Variants in OPRM1 observed in about 807,000 individuals in gnomAD.
OPRM1 encodes mu-type opioid receptor.
In OPRM1, 27 loss-of-function variants were observed where a neutral mutation model predicts 31.8. That is an observed-to-expected ratio of 0.85 (90% CI 0.63 to 1.17). OPRM1 has a LOEUF of 1.17. Ranked by LOEUF, OPRM1 falls within the 50% of genes most tolerant of loss-of-function variation. OPRM1 has a pLI of 0.00. For synonymous variants in OPRM1, 196 were observed against 189.9 expected, an observed-to-expected ratio of 1.03 and a Z score of -0.26; for missense variants, 536 against 511.1, an observed-to-expected ratio of 1.05 and a Z score of -0.47.
intron 1 of OPRM1, among the ~76,000 whole-genome samples, chr6:154,016,301 CATT>C (rs1778000171): frequency 6.6e-6 from 1 of 152,072 alleles, no homozygotes; most frequent in South Asian, 2.1e-4. Flanking sequence ...CTCTGCATAT[CATT>C]ATGTACTATC....
At chr6:154,110,228 T>C (rs1796191837) in intron 3 of OPRM1, 1 of 556,056 alleles carries the variant, frequency 1.8e-6, no homozygotes, top group Non-Finnish European at 3.2e-6. Context: ...CTTTGTTTTC[T>C]GGTGATATTA....
intron 1 of OPRM1, among the ~76,000 whole-genome samples, chr6:154,041,082 T>G (rs1380333432): frequency 1.3e-5 from 2 of 152,190 alleles, no homozygotes; most frequent in African/African-American, 4.8e-5. Flanking sequence ...GCGGAGCTCT[T>G]AAATCATTTA....
chr6:154,039,403 T>C lies in OPRM1; in HGVS notation c.-142T>C, dbSNP rs370344800. On this transcript the variant is annotated 5_prime_UTR_variant, in exon 1 of 4. Transcript: ENST00000330432. The stretch of plus-strand genomic sequence containing the variant: ...GTCCCCTCCGCCTGACGCTCCTCTC[T>C]GTCTCAGCCAGGACTGGTTTCTGTA... The C allele has an allele frequency of 1.8e-5, 28 of 1,548,282 alleles. No individual in the cohort carries two copies. The highest frequency in any genetic ancestry group is 2.4e-5 in the Non-Finnish European group (28 of 1,144,718).
At chr6:154,055,885 T>A (rs1478081554) in intron 1 of OPRM1, among the ~76,000 whole-genome samples, 1 of 152,194 alleles carries the variant, frequency 6.6e-6, no homozygotes, top group Non-Finnish European at 1.5e-5. Flanking sequence ...TCAAGCAGGA[T>A]CTAAGTCTAA....
chr6:154,052,072 C>G (rs1163643669), intron 1 of OPRM1, among the ~76,000 whole-genome samples: 1 of 152,118 alleles, frequency 6.6e-6, no homozygotes, highest in Admixed American at 6.5e-5. Flanking sequence ...CAAGCTGACA[C>G]AGGAACAGAA....
intron 3 of OPRM1, among the ~76,000 whole-genome samples, chr6:154,231,667 A>T (rs961175914): frequency 6.6e-6 from 1 of 152,228 alleles, no homozygotes; most frequent in Non-Finnish European, 1.5e-5. Flanking sequence ...ATTTGACTCA[A>T]TATACACACT....
intron 3 of OPRM1, among the ~76,000 whole-genome samples, chr6:154,195,608 T>C (rs1187118839): frequency 2.6e-5 from 4 of 152,108 alleles, no homozygotes; most frequent in African/African-American, 7.2e-5. Flanking sequence ...TGTACATATC[T>C]TGCCACTTAG....
chr6:154,154,018 C>A (rs1528046), intron 3 of OPRM1, among the ~76,000 whole-genome samples: 10,094 of 152,250 alleles, frequency 0.066, 973 homozygotes, highest in African/African-American at 0.21. Flanking sequence ...AATAATTTTT[C>A]CTGCTTCCAT....
At chr6:154,211,943 A>G (rs1777995745) in intron 3 of OPRM1, among the ~76,000 whole-genome samples, 1 of 152,212 alleles carries the variant, frequency 6.6e-6, no homozygotes, top group Admixed American at 6.5e-5. Flanking sequence ...CACAAAAGAG[A>G]AAGTTCTAAT....
chr6:154,141,983 G>C lies in OPRM1; in HGVS notation c.1164+50511G>C, dbSNP rs541472017. Among the ~76,000 whole-genome samples the C allele has an allele frequency of 2.6e-4, 40 of 152,282 alleles. No homozygotes were observed. The South Asian group carries it at 7.7e-3, about 29-fold the overall frequency. On this transcript the variant is annotated intron_variant, in intron 3 of 3. Transcript: ENST00000337049. The stretch of plus-strand genomic sequence containing the variant: ...CTCATGACCAAGTTTTACACAAGTG[G>C]TTGCTAGTAGATCTGTGGTACTGGT...
At position 154,121,212 on chromosome 6, in the gene OPRM1, G is replaced by A. The variant is rs17174998; in HGVS notation, c.*2491G>A. ...TCCCAGAAATGCAGACTGTAGCTAT[G>A]GGGCGGAAGCTTTGTTTCTTTACCT... On this transcript the variant is annotated 3_prime_UTR_variant, in exon 4 of 4. Transcript: ENST00000330432. Among the ~76,000 whole-genome samples, 403 of 152,266 alleles carry A rather than the reference G, an allele frequency of 2.6e-3. 2 individuals carry two copies. Among genetic ancestry groups the A allele is most frequent in the African/African-American group, 9.3e-3 (385 of 41,554 alleles).
chr6:154,040,740 T>C (rs886458348), intron 1 of OPRM1, among the ~76,000 whole-genome samples: 1 of 152,206 alleles, frequency 6.6e-6, no homozygotes, highest in African/African-American at 2.4e-5. Context: ...AAAGTGTTCT[T>C]ATCAAGTAAA....
rs547560696 is a variant in OPRM1 at position 154,148,739 on chromosome 6, T to A, written c.1164+57267T>A. ...TCCACACAACATGGATGGCAAGATA[T>A]GTTACATGAAGCTCTGCCCCGTGGA... On this transcript the variant is annotated intron_variant, in intron 3 of 3. Coordinates refer to the OPRM1 transcript ENST00000337049. Among the ~76,000 whole-genome samples, 144 of 152,320 alleles carry A rather than the reference T, an allele frequency of 9.5e-4. 1 individual carries two copies. In the South Asian group the frequency reaches 0.027, roughly 28 times the overall value.
intron 1 of OPRM1, among the ~76,000 whole-genome samples, chr6:154,086,072 A>G (rs989883953): frequency 4.6e-5 from 7 of 151,964 alleles, no homozygotes; most frequent in African/African-American, 1.7e-4. Flanking sequence ...CCCTGCCCTC[A>G]AGTGATCCAT....
chr6:154,047,438 T>TTCTCTCTCTCTC (rs61704475), intron 1 of OPRM1, among the ~76,000 whole-genome samples: 17 of 146,580 alleles, frequency 1.2e-4, no homozygotes, highest in Admixed American at 4.1e-4. Flanking sequence ...GTGGGCAAAA[T>TTCTCTCTCTCTC]TCTCTCTCTC....
intron 1 of OPRM1, among the ~76,000 whole-genome samples, chr6:154,057,720 A>G (rs1783593769): frequency 6.6e-6 from 1 of 152,250 alleles, no homozygotes; most frequent in South Asian, 2.1e-4. Flanking sequence ...ACAGAAGAGC[A>G]GAGTCCTGTA....
intron 3 of OPRM1, chr6:154,155,181 G>A (rs1475019739): frequency 6.6e-6 from 1 of 152,170 alleles, no homozygotes; most frequent in African/African-American, 2.4e-5. Flanking sequence ...CATTCAAGGA[G>A]ACGAGTGGCT....
At position 154,206,217 on chromosome 6, in the gene OPRM1, C is replaced by T. The variant is rs115550338; in HGVS notation, c.1165-40476C>T. On this transcript the variant is annotated intron_variant, in intron 3 of 3. Transcript: ENST00000337049. ...ATAAGCAGCTTGCAAATGCTACTTC[C>T]GATAGCTATGTGTATTTCTCTGGAA... Among the ~76,000 whole-genome samples the T allele has an allele frequency of 6.9e-3, 1,044 of 152,272 alleles. 10 individuals carry two copies. The highest frequency in any genetic ancestry group is 0.024 in the Middle Eastern group (7 of 294).
intron 3 of OPRM1, among the ~76,000 whole-genome samples, chr6:154,196,211 CTTAT>C (rs1776615019): frequency 1.3e-5 from 2 of 152,198 alleles, no homozygotes; most frequent in South Asian, 4.1e-4. Context: ...CAGTTTTGGA[CTTAT>C]TTTTTATTAC....
Sources: gnomAD v4.1 joint callset for allele counts (sites outside exome capture counted in the v4.1 genomes callset) on GRCh38, gnomAD v4.1.1 for gene constraint, MANE v1.5 for transcripts, NCBI Gene and HGNC (gene_info 2026-07-23, HGNC 2026-07-21) for gene names.